Variants in PEMT observed in about 807,000 individuals in gnomAD.
PEMT encodes the protein phospholipid methyltransferase.
Under a neutral mutation model 27.4 loss-of-function variants are expected in PEMT, and 23 were observed. The observed-to-expected ratio is 0.84, with a 90% CI of 0.60 to 1.19. The LOEUF is 1.19. PEMT is among the 50% of genes most tolerant of loss of function. PEMT has a pLI of 0.00. For synonymous variants in PEMT, 137 were observed against 139.1 expected, an observed-to-expected ratio of 0.98 and a Z score of 0.11; for missense variants, 307 against 310.1, an observed-to-expected ratio of 0.99 and a Z score of 0.07.
intron 2 of PEMT, among the ~76,000 whole-genome samples, chr17:17,553,750 C>G (rs1909841579): frequency 6.6e-6 from 1 of 152,232 alleles, no homozygotes; most frequent in Non-Finnish European, 1.5e-5. Context: ...CCAGACGGTC[C>G]CTTCCAGGTC....
Position 17,512,399 on chromosome 17 carries a change from CT to C in PEMT, c.466+109del, listed in dbSNP as rs1310412624. On this transcript the variant is annotated intron_variant, in intron 4 of 6. Coordinates refer to ENST00000255389, the MANE Select transcript of PEMT (RefSeq NM_148172.3). The surrounding 1 kb of genome is among the most constrained non-coding windows in gnomAD (Gnocchi z 6.3). ...AAAGACGCCCCGATGGAGGGGGCCC[CT>C]AGCACTCCCACCGATGTCACGGATA... 2.7e-5 allele frequency: 31 copies of C among 1,130,926 alleles called. No homozygotes were observed. Among genetic ancestry groups the C allele is most frequent in the Non-Finnish European group, 3.6e-5 (30 of 843,892 alleles). The allele number at this position is 1,130,926 out of a possible 1,614,324, so 70.1% of individuals were successfully genotyped here.
At chr17:17,571,936 C>G (rs564926285) in intron 2 of PEMT, among the ~76,000 whole-genome samples, 1 of 152,178 alleles carries the variant, frequency 6.6e-6, no homozygotes, top group Non-Finnish European at 1.5e-5. Flanking sequence ...TGGGCTCAAG[C>G]GATCCGCCTG....
At position 17,561,891 on chromosome 17, in the gene PEMT, A is replaced by G. The variant is rs1910497390; in HGVS notation, c.204+15029T>C. Among the ~76,000 whole-genome samples, 1 of 152,176 alleles carries G rather than the reference A, an allele frequency of 6.6e-6. No homozygotes were observed. The highest frequency in any genetic ancestry group is 1.5e-5 in the Non-Finnish European group (1 of 68,020). ...GGAAGTCCAGTCATAATATTGACAC[A>G]GGCAGGGCACACAGCAGCCGGGAAG... On this transcript the variant is annotated intron_variant, in intron 2 of 6. Transcript: ENST00000255389. The surrounding 1 kb of genome is among the most constrained non-coding windows in gnomAD (Gnocchi z 4.5).
intron 5 of PEMT, among the ~76,000 whole-genome samples, chr17:17,506,602 G>T (rs1403996857): frequency 6.6e-6 from 1 of 152,274 alleles, no homozygotes; most frequent in African/African-American, 2.4e-5. Context: ...CCAGCCCAGA[G>T]CTGGGAACGC....
At chr17:17,518,049 C>T (rs1466885771) in intron 3 of PEMT, 11 of 985,438 alleles carry the variant, frequency 1.1e-5, no homozygotes, top group African/African-American at 3.5e-5. Flanking sequence ...TGGCTGTGCC[C>T]GCCACACCAG....
chr17:17,516,221 G>A (rs1018253540), intron 3 of PEMT, among the ~76,000 whole-genome samples: 2 of 151,932 alleles, frequency 1.3e-5, no homozygotes, highest in African/African-American at 4.8e-5. Flanking sequence ...TCAGCTACAC[G>A]ACGCTAGCCA....
chr17:17,562,949 G>A (rs941008197), intron 2 of PEMT, among the ~76,000 whole-genome samples: 2 of 148,348 alleles, frequency 1.3e-5, no homozygotes, highest in Non-Finnish European at 1.5e-5. Context: ...CAAGGAACCT[G>A]CATGCAGCCA....
At chr17:17,544,560 G>A (rs900053424) in intron 2 of PEMT, among the ~76,000 whole-genome samples, 11 of 152,032 alleles carry the variant, frequency 7.2e-5, no homozygotes, top group African/African-American at 2.2e-4. Flanking sequence ...CACCGCATCC[G>A]GCCTCCAGCT....
chr17:17,533,028 A>G (rs1908217514), intron 2 of PEMT, among the ~76,000 whole-genome samples: 1 of 152,234 alleles, frequency 6.6e-6, no homozygotes, highest in Non-Finnish European at 1.5e-5. Flanking sequence ...CTCCATCTCA[A>G]AAAAACACAA....
intron 2 of PEMT, among the ~76,000 whole-genome samples, chr17:17,541,052 A>T (rs8081961): frequency 2.0e-5 from 3 of 152,134 alleles, no homozygotes; most frequent in Non-Finnish European, 4.4e-5. Flanking sequence ...CTCGGCTGAG[A>T]CGGGGACAGA....
intron 2 of PEMT, among the ~76,000 whole-genome samples, chr17:17,542,038 C>G (rs549671739): frequency 1.1e-3 from 172 of 152,260 alleles, no homozygotes; most frequent in Middle Eastern, 3.4e-3. Flanking sequence ...TGGAGTGCAG[C>G]AGCATGATCT....
At position 17,546,119 on chromosome 17, in the gene PEMT, C is replaced by T. The variant is rs542758513; in HGVS notation, c.205-23724G>A. ...ATAAACTTGCCAGGTGGGGCCGAGC[C>T]TCCCCACACCTCCCTGGGGCGATGC... On this transcript the variant is annotated intron_variant, in intron 2 of 6. Transcript: ENST00000255389. Among the ~76,000 whole-genome samples the T allele has an allele frequency of 1.2e-4, 18 of 152,332 alleles. 1 individual carries two copies. The South Asian group carries it at 3.7e-3, about 32-fold the overall frequency.
intron 3 of PEMT, among the ~76,000 whole-genome samples, chr17:17,521,219 G>A (rs1238777370): frequency 6.6e-6 from 1 of 152,238 alleles, no homozygotes; most frequent in Non-Finnish European, 1.5e-5. Flanking sequence ...TCAAAAATGG[G>A]GATTCTCTGG....
At chr17:17,517,629 C>T (rs1906938668) in intron 3 of PEMT, among the ~76,000 whole-genome samples, 1 of 152,250 alleles carries the variant, frequency 6.6e-6, no homozygotes, top group Admixed American at 6.5e-5. Context: ...AAGGCCTGGC[C>T]TCAGAATCAT....
chr17:17,577,940 C>T (rs554195590), intron 1 of PEMT, among the ~76,000 whole-genome samples: 6 of 150,396 alleles, frequency 4.0e-5, no homozygotes, highest in South Asian at 2.1e-4. Flanking sequence ...TGGCATGAAC[C>T]TGGGAGGCGG....
upstream of PEMT, chr17:17,591,747 A>T (rs915061704): frequency 2.3e-4 from 331 of 1,453,960 alleles, no homozygotes; most frequent in Non-Finnish European, 2.5e-4. Context: ...CCCCCAACAT[A>T]TTCCGGCCTT....
At chr17:17,524,172 G>A (rs1456542291) in intron 2 of PEMT, among the ~76,000 whole-genome samples, 1 of 152,170 alleles carries the variant, frequency 6.6e-6, no homozygotes. Context: ...TGGACACTTA[G>A]GTTGCGTTAG....
intron 2 of PEMT, among the ~76,000 whole-genome samples, chr17:17,569,178 A>G (rs1455440606): frequency 6.6e-6 from 1 of 152,194 alleles, no homozygotes; most frequent in African/African-American, 2.4e-5. Flanking sequence ...CCTGATACAG[A>G]CATAAGGCCT....
intron 1 of PEMT, among the ~76,000 whole-genome samples, chr17:17,587,570 A>T (rs1421210774): frequency 2.6e-5 from 4 of 152,134 alleles, no homozygotes; most frequent in African/African-American, 7.2e-5. Flanking sequence ...TTACCCTAAC[A>T]CTAAAACCAG....
Sources: allele counts gnomAD v4.1 joint callset (sites outside exome capture counted in the v4.1 genomes callset), GRCh38; gene constraint gnomAD v4.1.1; non-coding constraint Gnocchi (gnomAD v3.1); transcripts MANE v1.5; gene names NCBI Gene and HGNC (gene_info 2026-07-23, HGNC 2026-07-21).